PRDM4: variants seen among roughly 807,000 people sequenced by gnomAD.
PRDM4 encodes the protein PR/SET domain 4.
PRDM4 carries 38 observed loss-of-function variants against 62.3 expected under a neutral mutation model. The ratio of observed to expected loss-of-function variants is 0.61; its 90% CI spans 0.47 to 0.80. PRDM4 has a LOEUF of 0.80. PRDM4 is among the 30% of genes least tolerant of loss of function. The pLI is 0.00. For synonymous variants in PRDM4, 339 were observed against 348.2 expected, an observed-to-expected ratio of 0.97 and a Z score of 0.30; for missense variants, 858 against 997.1, an observed-to-expected ratio of 0.86 and a Z score of 1.88.
chr12:107,751,506 T>C lies in PRDM4; in HGVS notation c.1035A>G (p.Val345=), dbSNP rs1565831919. The C allele has an allele frequency of 1.9e-6, 3 of 1,613,578 alleles. No homozygotes were observed. The highest frequency in any genetic ancestry group is 1.7e-5 in the Admixed American group (1 of 60,006). ...EVAMGTGHVD[V]SSDSLSFVSP... Reference sequence around the variant, plus strand: ...ATACAAAAGAAAGACTGTCTGAAGATACATCTACATGACCTGTCCCCATAG... The same window carrying C: ...ATACAAAAGAAAGACTGTCTGAAGACACATCTACATGACCTGTCCCCATAG... Residue 345 remains valine (V), a synonymous_variant, in exon 5 of 12, where the codon GTA becomes GTG. Coordinates refer to ENST00000228437, the MANE Select transcript of PRDM4 (RefSeq NM_012406.4).
chr12:107,748,186 A>G (rs1260246346), intron 5 of PRDM4, among the ~76,000 whole-genome samples: 4 of 152,166 alleles, frequency 2.6e-5, no homozygotes, highest in African/African-American at 4.8e-5. Flanking sequence ...TCTCAAAAAA[A>G]TAAAAAAATA....
chr12:107,745,088 T>C (rs1293313580), intron 6 of PRDM4, among the ~76,000 whole-genome samples: 1 of 148,570 alleles, frequency 6.7e-6, no homozygotes, highest in Non-Finnish European at 1.5e-5. Context: ...AAAAAAACAA[T>C]ATGCTAGCAT....
intron 3 of PRDM4, among the ~76,000 whole-genome samples, chr12:107,754,370 A>T (rs1173347672): frequency 6.6e-6 from 1 of 151,988 alleles, no homozygotes; most frequent in African/African-American, 2.4e-5. Flanking sequence ...AAATACAAAA[A>T]TATTTAATTA....
At chr12:107,747,771 C>G (rs761704516) in intron 5 of PRDM4, among the ~76,000 whole-genome samples, 1 of 152,078 alleles carries the variant, frequency 6.6e-6, no homozygotes, top group Non-Finnish European at 1.5e-5. Context: ...AATACATAAA[C>G]CTTAGAACCA....
intron 11 of PRDM4, among the ~76,000 whole-genome samples, chr12:107,735,760 CT>C (rs200366774): frequency 1.2e-3 from 165 of 143,398 alleles, no homozygotes; most frequent in African/African-American, 1.4e-3. Context: ...AATTTTTTAG[CT>C]TTTTTTTTTT....
Position 107,760,590 on chromosome 12 carries a change from T to C in PRDM4, c.-75A>G. On this transcript the variant is annotated 5_prime_UTR_variant, in exon 2 of 12. Coordinates refer to ENST00000228437, the MANE Select transcript of PRDM4 (RefSeq NM_012406.4). ...AGGCATCAGGGTTTGCGTTCCAGGG[T>C]CACGTGCTACCACATCTTGCTCACA... 6.4e-7 allele frequency: 1 copy of C among 1,573,896 alleles called. No homozygotes were observed. Among genetic ancestry groups the C allele is most frequent in the Non-Finnish European group, 8.7e-7 (1 of 1,153,038 alleles).
intron 7 of PRDM4, 88 bp downstream of exon 7, chr12:107,744,455 G>A: frequency 6.9e-7 from 1 of 1,455,138 alleles, no homozygotes; most frequent in Admixed American, 1.9e-5. Context: ...TATCAGTTCT[G>A]GCTGATTTTG....
Position 107,746,308 on chromosome 12 carries a change from C to G in PRDM4, c.1243G>C (p.Val415Leu). Residue 415 changes from valine to leucine, a missense_variant, in exon 6 of 12, where the codon GTT (valine) becomes CTT (leucine). This residue lies in a region of PRDM4 where 499 missense variants were observed against 546.7 expected (regional missense o/e 0.91). Transcript: ENST00000228437. Reference protein sequence around the residue: ...RARLSLPKQLVLRQSIVGAEV... With the variant: ...RARLSLPKQLLLRQSIVGAEV... Reference sequence around the variant, plus strand: ...GCTCCCACAATTGACTGACGGAGAACAAGCTGCTTTGGGAGAGAAAGCCTT... The same window carrying G: ...GCTCCCACAATTGACTGACGGAGAAGAAGCTGCTTTGGGAGAGAAAGCCTT... 1 of 1,614,048 alleles carries G rather than the reference C, an allele frequency of 6.2e-7. No homozygotes were observed. Among genetic ancestry groups the G allele is most frequent in the Non-Finnish European group, 8.5e-7 (1 of 1,179,988 alleles).
intron 7 of PRDM4, among the ~76,000 whole-genome samples, chr12:107,744,124 A>G (rs922216966): frequency 2.6e-5 from 4 of 152,178 alleles, no homozygotes. Context: ...AAGGAAGAAA[A>G]AAAAAGAAAA....
At chr12:107,759,013 T>C (rs1392931949) in intron 2 of PRDM4, among the ~76,000 whole-genome samples, 1 of 152,226 alleles carries the variant, frequency 6.6e-6, no homozygotes, top group Non-Finnish European at 1.5e-5. Context: ...TTTACACCTG[T>C]AATCCCACAC....
At chr12:107,743,895 A>G (rs1028458220) in intron 7 of PRDM4, among the ~76,000 whole-genome samples, 17 of 152,196 alleles carry the variant, frequency 1.1e-4, no homozygotes, top group African/African-American at 4.1e-4. Context: ...TGGGCAGATC[A>G]CTTGAGGTCA....
At chr12:107,756,694 T>C (rs1048935585) in intron 3 of PRDM4, 138 bp downstream of exon 3, 14 of 1,017,954 alleles carry the variant, frequency 1.4e-5, no homozygotes, top group Non-Finnish European at 1.7e-5. Context: ...CTATCACATG[T>C]TGAACCACCA....
intron 11 of PRDM4, among the ~76,000 whole-genome samples, chr12:107,738,849 A>ATT (rs34195920): frequency 2.7e-5 from 4 of 148,268 alleles, no homozygotes; most frequent in East Asian, 2.0e-4. Flanking sequence ...TAAGATAACA[A>ATT]TTTTTTTTTT....
At chr12:107,759,753 ATT>A (rs902075505) in intron 2 of PRDM4, 5 of 152,186 alleles carry the variant, frequency 3.3e-5, no homozygotes, top group African/African-American at 1.2e-4. Context: ...TTCTATTCTC[ATT>A]TTCTTTCTCC....
intron 4 of PRDM4, among the ~76,000 whole-genome samples, chr12:107,753,719 C>G (rs904806382): frequency 1.3e-5 from 2 of 152,142 alleles, no homozygotes; most frequent in Non-Finnish European, 2.9e-5. Context: ...AGAAATTCAG[C>G]TTAGTCAAAC....
In PRDM4 at chr12:107,761,121, T is replaced by A. The variant is rs1327896970; in HGVS notation, c.-421A>T. ...GCCCTTCCCGGCCCGCGGCCTCCTC[T>A]GGGCCGCACCCTCTGCGGCGCGTTT... is the stretch of plus-strand genomic sequence containing the variant. On this transcript the variant is annotated 5_prime_UTR_variant, in exon 1 of 12. Coordinates refer to ENST00000228437, the MANE Select transcript of PRDM4 (RefSeq NM_012406.4). 6.6e-6 allele frequency: 1 copy of A among 151,252 alleles called. No homozygotes were observed. The highest frequency in any genetic ancestry group is 6.6e-5 in the Admixed American group (1 of 15,192). The allele number at this position is 151,252 out of a possible 1,614,324, so 9.4% of individuals were successfully genotyped here.
chr12:107,752,692 G>A (rs1890933954), intron 4 of PRDM4, among the ~76,000 whole-genome samples: 1 of 152,070 alleles, frequency 6.6e-6, no homozygotes, highest in Non-Finnish European at 1.5e-5. Flanking sequence ...TGCTTGGGAG[G>A]ATATGGTGAA....
At chr12:107,743,115 A>G in intron 8 of PRDM4, 82 bp downstream of exon 8, 2 of 1,082,982 alleles carry the variant, frequency 1.8e-6, no homozygotes, top group Non-Finnish European at 2.7e-6. Context: ...TGGATTCTTA[A>G]CTCTTTCTTC....
At chr12:107,756,136 T>C (rs1891058998) in intron 3 of PRDM4, among the ~76,000 whole-genome samples, 1 of 151,598 alleles carries the variant, frequency 6.6e-6, no homozygotes, top group Non-Finnish European at 1.5e-5. Flanking sequence ...GGTGCATGCC[T>C]ATAATCCTAG....
Sources: allele counts gnomAD v4.1 joint callset (sites outside exome capture counted in the v4.1 genomes callset), GRCh38; gene constraint gnomAD v4.1.1; regional missense constraint gnomAD v4.1.1; transcripts MANE v1.5; gene names NCBI Gene and HGNC (gene_info 2026-07-23, HGNC 2026-07-21).